The following XYLT1 variants were observed in gnomAD, a reference collection of about 807,000 sequenced individuals.
XYLT1 encodes xylosyltransferase 1, also known as beta-D-xylosyltransferase 1.
A neutral mutation model predicts 91.3 loss-of-function variants in XYLT1; 36 were observed. The observed-to-expected ratio is 0.39, with a 90% CI of 0.30 to 0.52. The LOEUF (loss-of-function observed/expected upper bound fraction) is 0.52. Among genes scored for constraint, XYLT1 ranks in the 20% least tolerant of loss-of-function variants. The pLI is 0.68. For missense variants in XYLT1, 1,242 were observed against 1,284.5 expected, an observed-to-expected ratio of 0.97 and a Z score of 0.51; for synonymous variants, 588 against 532.0, an observed-to-expected ratio of 1.11 and a Z score of -1.45.
At chr16:17,197,238 C>A (rs547214729) in intron 5 of XYLT1, among the ~76,000 whole-genome samples, 32 of 152,072 alleles carry the variant, frequency 2.1e-4, no homozygotes, top group African/African-American at 7.7e-4. Flanking sequence ...ATGGACCCAC[C>A]TCTGGGCTCA....
At chr16:17,192,887 A>G (rs2032352183) in intron 5 of XYLT1, 1 of 139,258 alleles carries the variant, frequency 7.2e-6, no homozygotes, top group South Asian at 2.2e-4. Context: ...ATCTCGGCTC[A>G]TTGCAGCCTC....
At chr16:17,337,268 G>A (rs2141843582) in intron 2 of XYLT1, among the ~76,000 whole-genome samples, 1 of 152,164 alleles carries the variant, frequency 6.6e-6, no homozygotes, top group Middle Eastern at 3.4e-3. Context: ...GCTCATTGTA[G>A]CCTCCACCTC....
At chr16:17,470,320 G>A in intron 1 of XYLT1, 114 bp downstream of exon 1, 1 of 1,163,310 alleles carries the variant, frequency 8.6e-7, no homozygotes, top group Non-Finnish European at 1.1e-6. Flanking sequence ...ATGTGGAGTC[G>A]GTAGGCTTGC....
intron 3 of XYLT1, among the ~76,000 whole-genome samples, chr16:17,209,161 C>G (rs2032712896): frequency 6.6e-6 from 1 of 152,126 alleles, no homozygotes; most frequent in Non-Finnish European, 1.5e-5. Flanking sequence ...CAATAACTTC[C>G]CACTCTCCCC....
intron 1 of XYLT1, among the ~76,000 whole-genome samples, chr16:17,362,916 C>T (rs1214222685): frequency 1.3e-5 from 2 of 152,220 alleles, no homozygotes; most frequent in Admixed American, 6.5e-5. Context: ...CATTTACATG[C>T]TACCTTCTTC....
intron 2 of XYLT1, among the ~76,000 whole-genome samples, chr16:17,270,795 C>T (rs1277671119): frequency 6.6e-6 from 1 of 152,196 alleles, no homozygotes; most frequent in Non-Finnish European, 1.5e-5. Flanking sequence ...CCCATTCGTG[C>T]ACACACTGAA....
intron 3 of XYLT1, among the ~76,000 whole-genome samples, chr16:17,255,190 G>C (rs971156241): frequency 2.0e-5 from 3 of 151,898 alleles, no homozygotes; most frequent in African/African-American, 4.8e-5. Context: ...GTAGAGATGA[G>C]GTTTCGCCAT....
chr16:17,378,137 C>T (rs1383239293), intron 1 of XYLT1, among the ~76,000 whole-genome samples: 4 of 152,104 alleles, frequency 2.6e-5, no homozygotes, highest in African/African-American at 7.2e-5. Context: ...GAGAATGAAA[C>T]GTCAGCAATT....
At chr16:17,358,437 C>G (rs2035335053) in intron 1 of XYLT1, among the ~76,000 whole-genome samples, 1 of 152,110 alleles carries the variant, frequency 6.6e-6, no homozygotes, top group South Asian at 2.1e-4. Flanking sequence ...ACGCCAAGCT[C>G]CCAGCATCAT....
Position 17,259,504 on chromosome 16 carries a change from G to C in XYLT1, c.403-6C>G. 2 of 1,601,830 alleles carry C rather than the reference G, an allele frequency of 1.2e-6. No individual in the cohort carries two copies. Among genetic ancestry groups the C allele is most frequent in the Non-Finnish European group, 1.7e-6 (2 of 1,175,870 alleles). ...CGATGAGAAAAGTAGCCATCCTGGA[G>C]AAGAGGGGAGAGAAACAGAAGAGAA... On this transcript the variant is annotated splice_region_variant and splice_polypyrimidine_tract_variant and intron_variant, in intron 2 of 11. Coordinates refer to ENST00000261381, the MANE Select transcript of XYLT1 (RefSeq NM_022166.4).
At chr16:17,362,665 C>T (rs934712394) in intron 1 of XYLT1, among the ~76,000 whole-genome samples, 3 of 152,188 alleles carry the variant, frequency 2.0e-5, no homozygotes, top group Non-Finnish European at 4.4e-5. Flanking sequence ...GGACTTTGTT[C>T]GTTATCATTC....
At chr16:17,395,524 T>G (rs890828385) in intron 1 of XYLT1, among the ~76,000 whole-genome samples, 2 of 152,066 alleles carry the variant, frequency 1.3e-5, no homozygotes, top group Non-Finnish European at 2.9e-5. Context: ...AAAATAAAAA[T>G]AATCACATAA....
chr16:17,115,550 T>C (rs111297279), intron 11 of XYLT1, among the ~76,000 whole-genome samples: 8,480 of 150,430 alleles, frequency 0.056, 792 homozygotes, highest in African/African-American at 0.19. Context: ...ATGATTTCGG[T>C]TCACTGCAAC....
At chr16:17,296,792 C>T (rs1485654239) in intron 2 of XYLT1, among the ~76,000 whole-genome samples, 2 of 152,196 alleles carry the variant, frequency 1.3e-5, no homozygotes, top group African/African-American at 2.4e-5. Flanking sequence ...CCAGGGTGAA[C>T]TCTGATATTA....
At chr16:17,371,840 G>C (rs960644635) in intron 1 of XYLT1, among the ~76,000 whole-genome samples, 1 of 152,234 alleles carries the variant, frequency 6.6e-6, no homozygotes, top group Non-Finnish European at 1.5e-5. Flanking sequence ...AAGAAAGAGA[G>C]AGTGTATGTG....
chr16:17,465,143 CAAAAAAAA>C (rs35623153), intron 1 of XYLT1, among the ~76,000 whole-genome samples: 47 of 35,884 alleles, frequency 1.3e-3, no homozygotes, highest in South Asian at 8.9e-3. Flanking sequence ...GATGCTGTCT[CAAAAAAAA>C]AAAAAAAAAA....
At chr16:17,426,709 C>T (rs2036323077) in intron 1 of XYLT1, among the ~76,000 whole-genome samples, 2 of 152,278 alleles carry the variant, frequency 1.3e-5, no homozygotes, top group South Asian at 2.1e-4. Context: ...TGCTTTTGCC[C>T]AACAATGGCA....
At chr16:17,314,184 G>A (rs900644964) in intron 2 of XYLT1, among the ~76,000 whole-genome samples, 1 of 152,222 alleles carries the variant, frequency 6.6e-6, no homozygotes, top group Non-Finnish European at 1.5e-5. Flanking sequence ...AAGATCAGGA[G>A]ATCCTAGAGA....
intron 2 of XYLT1, among the ~76,000 whole-genome samples, chr16:17,351,724 C>T (rs950888568): frequency 2.0e-5 from 3 of 146,980 alleles, no homozygotes; most frequent in Non-Finnish European, 4.4e-5. Flanking sequence ...AACCTTGCCA[C>T]TACTGACATT....
Sources: allele counts gnomAD v4.1 joint callset (sites outside exome capture counted in the v4.1 genomes callset), GRCh38; gene constraint gnomAD v4.1.1; transcripts MANE v1.5; gene names NCBI Gene and HGNC (gene_info 2026-07-23, HGNC 2026-07-21).